Variants in DDX42 observed in about 807,000 individuals in gnomAD.
The protein encoded by DDX42 is ATP-dependent RNA helicase DDX42.
Under a neutral mutation model 101.5 loss-of-function variants are expected in DDX42, and 22 were observed. That is an observed-to-expected ratio of 0.22 (90% CI 0.15 to 0.31). The LOEUF (loss-of-function observed/expected upper bound fraction) is 0.31. DDX42 is among the 10% of genes least tolerant of loss of function. DDX42 has a pLI of 1.00. For synonymous variants in DDX42, 402 were observed against 401.2 expected (o/e 1.00, Z -0.02); for missense variants, 849 against 1,199.9 (o/e 0.71, Z 4.32).
rs138224520 is a variant in DDX42 at position 63,789,546 on chromosome 17, C to CGTTT, written c.221+2276_221+2277insGTTT. On this transcript the variant is annotated intron_variant, in intron 2 of 17. Coordinates refer to ENST00000389924, the MANE Select transcript of DDX42 (RefSeq NM_203499.3). ...ATTGGAAAAAAAAGCTTCTAAAAGACTTTTTTGTTTTTGTTTTTGTTTTTG... is the reference window on the plus strand; with the variant it reads ...ATTGGAAAAAAAAGCTTCTAAAAGACGTTTTTTTTTGTTTTTGTTTTTGTTTTTG... Among the ~76,000 whole-genome samples the CGTTT allele has an allele frequency of 2.3e-4, 28 of 121,840 alleles. 5 individuals are homozygous for CGTTT. Among genetic ancestry groups the CGTTT allele is most frequent in the Middle Eastern group, 5.0e-3 (1 of 202 alleles). The allele number at this position is 121,840 out of a possible 152,430, so 79.9% of individuals were successfully genotyped here.
chr17:63,781,732 C>T (rs1034919961), intron 1 of DDX42, among the ~76,000 whole-genome samples: 10 of 151,722 alleles, frequency 6.6e-5, no homozygotes, highest in South Asian at 6.2e-4. Context: ...CTTACTGGGC[C>T]GGATGTGGTG....
intron 1 of DDX42, among the ~76,000 whole-genome samples, chr17:63,778,513 C>CT (rs1254867206): frequency 2.0e-5 from 3 of 152,224 alleles, no homozygotes; most frequent in Non-Finnish European, 4.4e-5. Flanking sequence ...ACTGTGAACT[C>CT]TGAGTATGGC....
At chr17:63,792,360 T>G in intron 2 of DDX42, 52 bp from the exon 3 acceptor site, 1 of 1,571,902 alleles carries the variant, frequency 6.4e-7, no homozygotes, top group Admixed American at 1.8e-5. Context: ...ATGAAAGATT[T>G]ACTGACCCCA....
chr17:63,784,797 A>G (rs546128385), intron 1 of DDX42, among the ~76,000 whole-genome samples: 3 of 152,068 alleles, frequency 2.0e-5, no homozygotes, highest in African/African-American at 7.2e-5. Context: ...TTTTTAACTC[A>G]GAATGCATTT....
At position 63,808,754 on chromosome 17, in the gene DDX42, C is replaced by T. The variant is rs550735675; in HGVS notation, c.1024-66C>T. On this transcript the variant is annotated intron_variant, in intron 9 of 17. Transcript: ENST00000389924. ...CATCACATTCTGTTTTTCAGAACTTCGTTTGGGTTGTGACAGGTATTTGTT... is the reference window on the plus strand; with the variant it reads ...CATCACATTCTGTTTTTCAGAACTTTGTTTGGGTTGTGACAGGTATTTGTT... 67 of 1,581,192 alleles carry T rather than the reference C, an allele frequency of 4.2e-5. No homozygotes were observed. The East Asian group carries it at 7.2e-4, about 17-fold the overall frequency.
chr17:63,792,348 A>T, intron 2 of DDX42, 64 bp from the exon 3 acceptor site: 1 of 1,530,906 alleles, frequency 6.5e-7, no homozygotes, highest in South Asian at 1.2e-5. Context: ...AAATGTTGTT[A>T]AATGAAAGAT....
Position 63,818,642 on chromosome 17 carries a change from T to G in DDX42, c.*244T>G, listed in dbSNP as rs1245005318. The G allele has an allele frequency of 4.1e-6, 2 of 486,480 alleles. No homozygotes were observed. Among genetic ancestry groups the G allele is most frequent in the Admixed American group, 6.9e-5 (2 of 29,140 alleles). The allele number at this position is 486,480 out of a possible 1,614,324, so 30.1% of individuals were successfully genotyped here. ...TCTTTTGGCTCTAGGTGAGTTGTCA[T>G]GTGGGTAAGTTGAGGTTATCTTGGG... On this transcript the variant is annotated 3_prime_UTR_variant, in exon 18 of 18. Coordinates refer to ENST00000389924, the MANE Select transcript of DDX42 (RefSeq NM_203499.3).
chr17:63,814,679 T>TGC, intron 15 of DDX42, among the ~76,000 whole-genome samples: 1 of 144,832 alleles, frequency 6.9e-6, no homozygotes, highest in Admixed American at 6.9e-5. Flanking sequence ...CATTTGCTTT[T>TGC]TTTTTTTTTT....
chr17:63,794,137 G>A (rs1009063388), intron 3 of DDX42, among the ~76,000 whole-genome samples: 1 of 151,852 alleles, frequency 6.6e-6, no homozygotes, highest in Admixed American at 6.6e-5. Flanking sequence ...TTACACTCTC[G>A]TAAATTCTCT....
chr17:63,810,251 A>ATTTTTTTTTTTTTTTTTTTTTTTTT (rs11450730), intron 11 of DDX42: 1 of 120,910 alleles, frequency 8.3e-6, no homozygotes, highest in Non-Finnish European at 1.6e-5. Flanking sequence ...CAGCCTGGCT[A>ATTTTTTTTTTTTTTTTTTTTTTTTT]TTTTTTTTTT....
rs909323674 is a variant in DDX42 at position 63,774,320 on chromosome 17, C to T, written c.-73C>T. The T allele has an allele frequency of 6.4e-5, 17 of 264,736 alleles. No homozygotes were observed. The highest frequency in any genetic ancestry group is 3.8e-4 in the African/African-American group (16 of 42,324). 16.4% of individuals were successfully genotyped at this position (264,736 alleles called of 1,614,324 possible). On this transcript the variant is annotated 5_prime_UTR_variant, in exon 1 of 18. Coordinates refer to ENST00000389924, the MANE Select transcript of DDX42 (RefSeq NM_203499.3). ...GCCGGGACAGCGCGTACTTTGGGCTCCGGGATTCGCTCCGCGCCCGCGGTT... is the reference window on the plus strand; with the variant it reads ...GCCGGGACAGCGCGTACTTTGGGCTTCGGGATTCGCTCCGCGCCCGCGGTT...
intron 2 of DDX42, among the ~76,000 whole-genome samples, chr17:63,788,738 A>T (rs1451451266): frequency 6.6e-6 from 1 of 152,154 alleles, no homozygotes; most frequent in African/African-American, 2.4e-5. Flanking sequence ...TTGCTGATAT[A>T]ATAATGTGGT....
intron 1 of DDX42, among the ~76,000 whole-genome samples, chr17:63,777,806 A>G (rs776529716): frequency 3.2e-4 from 49 of 152,092 alleles, no homozygotes; most frequent in Non-Finnish European, 5.7e-4. Context: ...GGTATTTGAG[A>G]TATGCTTTGA....
intron 3 of DDX42, among the ~76,000 whole-genome samples, chr17:63,793,705 A>G (rs2039656457): frequency 6.6e-6 from 1 of 152,032 alleles, no homozygotes; most frequent in African/African-American, 2.4e-5. Flanking sequence ...TCCATCTGTT[A>G]TTTGTGATCC....
At chr17:63,816,139 G>A (rs971870807) in intron 16 of DDX42, among the ~76,000 whole-genome samples, 2 of 152,132 alleles carry the variant, frequency 1.3e-5, no homozygotes, top group Non-Finnish European at 2.9e-5. Context: ...TTTCCAAGTC[G>A]GGAGCTAGTT....
At chr17:63,778,828 A>G (rs2039452346) in intron 1 of DDX42, among the ~76,000 whole-genome samples, 1 of 152,082 alleles carries the variant, frequency 6.6e-6, no homozygotes, top group Non-Finnish European at 1.5e-5. Flanking sequence ...TTTAGTAGAG[A>G]TGGGGTTTCA....
chr17:63,813,806 T>G (rs562941609), intron 15 of DDX42, among the ~76,000 whole-genome samples: 119 of 152,180 alleles, frequency 7.8e-4, no homozygotes, highest in African/African-American at 2.7e-3. Flanking sequence ...AAATGTGTGA[T>G]GCCTTTAAAA....
chr17:63,812,517 GATCTACT>G (rs2039922971), intron 14 of DDX42, among the ~76,000 whole-genome samples: 1 of 152,158 alleles, frequency 6.6e-6, no homozygotes, highest in Non-Finnish European at 1.5e-5. Context: ...CCCTTACATT[GATCTACT>G]ATACACAGCT....
At chr17:63,796,919 A>G (rs566517523) in intron 3 of DDX42, among the ~76,000 whole-genome samples, 1 of 152,318 alleles carries the variant, frequency 6.6e-6, no homozygotes, top group Admixed American at 6.5e-5. Context: ...GCCACAGTAT[A>G]TATAGTGGCA....
Sources: allele counts gnomAD v4.1 joint callset (sites outside exome capture counted in the v4.1 genomes callset), GRCh38; gene constraint gnomAD v4.1.1; transcripts MANE v1.5; gene names NCBI Gene and HGNC (gene_info 2026-07-23, HGNC 2026-07-21).